Variants in DMD observed in about 807,000 individuals in gnomAD.
The protein encoded by DMD is dystrophin.
A neutral mutation model predicts 330.1 loss-of-function variants in DMD; 63 were observed. The observed-to-expected ratio is 0.19, with a 90% CI of 0.16 to 0.24. DMD has a LOEUF of 0.24. Among genes scored for constraint, DMD ranks in the 10% least tolerant of loss-of-function variants. The pLI is 1.00. For missense variants in DMD, 3,344 were observed against 2,684.1 expected, an observed-to-expected ratio of 1.25 and a Z score of -5.43; for synonymous variants, 1,223 against 959.8, an observed-to-expected ratio of 1.27 and a Z score of -5.07.
rs770202940 is a variant in DMD, at chrX:32,644,304, T to C, written c.1159A>G (p.Met387Val). Reference protein sequence around the residue: ...DQFHTHEGYMMDLTAHQGRVG... With the variant: ...DQFHTHEGYMVDLTAHQGRVG... The stretch of plus-strand genomic sequence containing the variant: ...CGGCCCTGATGGGCTGTCAAATCCA[T>C]CATGTACCCCTGACAAAGAAGGAAG... The change falls in exon 11 of 79, where the codon ATG (methionine) becomes GTG (valine). Residue 387 changes from methionine (M) to valine (V), a missense_variant. By Grantham distance (21) the Met-to-Val change is conservative (BLOSUM62 1). Coordinates refer to ENST00000357033, the MANE Select transcript of DMD (RefSeq NM_004006.3). The C allele has an allele frequency of 6.0e-5, 73 of 1,208,621 alleles. No homozygotes were observed. The highest frequency in any genetic ancestry group is 7.9e-5 in the Non-Finnish European group (71 of 894,501).
chrX:32,363,262 C>T (rs1457361956), intron 36 of DMD, among the ~76,000 whole-genome samples: 1 of 111,677 alleles, frequency 9.0e-6, no homozygotes, highest in Non-Finnish European at 1.9e-5. Flanking sequence ...GGGATGTTTT[C>T]CCAACTATGT....
intron 63 of DMD, among the ~76,000 whole-genome samples, chrX:31,229,263 A>C (rs1569486796): frequency 8.9e-6 from 1 of 112,183 alleles, no homozygotes; most frequent in Non-Finnish European, 1.9e-5. Context: ...ATATTACAGA[A>C]AAAAAACATT....
intron 63 of DMD, among the ~76,000 whole-genome samples, chrX:31,259,589 T>C (rs2050308256): frequency 8.9e-6 from 1 of 112,139 alleles, no homozygotes; most frequent in Admixed American, 9.5e-5. Flanking sequence ...AATGACATAA[T>C]ATTACTCGAA....
intron 52 of DMD, among the ~76,000 whole-genome samples, chrX:31,718,724 G>A (rs868841914): frequency 1.9e-4 from 21 of 111,550 alleles, no homozygotes; most frequent in South Asian, 3.8e-4. Flanking sequence ...CTCCAGAACC[G>A]TGAAAAACAA....
chrX:32,006,290 A>C (rs1236243651), intron 44 of DMD, among the ~76,000 whole-genome samples: 2 of 111,879 alleles, frequency 1.8e-5, no homozygotes, highest in Admixed American at 9.5e-5. Flanking sequence ...ACCAAGGTGA[A>C]CTTTGGTCTA....
chrX:32,121,737 A>ATGTGTG (rs770805204), intron 44 of DMD, among the ~76,000 whole-genome samples: 1 of 96,414 alleles, frequency 1.0e-5, no homozygotes, highest in African/African-American at 3.8e-5. Flanking sequence ...GTCAAAAAAA[A>ATGTGTG]TGTGTGTGTG....
At chrX:32,337,772 C>A (rs1390063725) in intron 41 of DMD, among the ~76,000 whole-genome samples, 2 of 110,751 alleles carry the variant, frequency 1.8e-5, no homozygotes, top group African/African-American at 6.6e-5. Context: ...TATTTGATTT[C>A]TCTCTCTTTA....
chrX:31,139,650 A>C (rs2035791712), intron 76 of DMD, among the ~76,000 whole-genome samples: 3 of 104,380 alleles, frequency 2.9e-5, no homozygotes, highest in Non-Finnish European at 5.9e-5. Flanking sequence ...GTGGGAGCTA[A>C]GCTATGCGGA....
In DMD at chrX:31,121,550, T is replaced by TAAAC. The variant is rs950779455; in HGVS notation, c.*365_*368dup. 7 of 239,680 alleles carry TAAAC rather than the reference T, an allele frequency of 2.9e-5. No individual in the cohort carries two copies. Among genetic ancestry groups the TAAAC allele is most frequent in the South Asian group, 2.6e-4 (3 of 11,632 alleles). 19.8% of individuals were successfully genotyped at this position (239,680 alleles called of 1,213,427 possible). ...TTTCTTTATAACTGTTATAAATTTT[T>TAAAC]AAACAACCCAAAATGCGTTCCATAT... On this transcript the variant is annotated 3_prime_UTR_variant, in exon 79 of 79. Transcript: ENST00000357033.
At chrX:32,744,080 C>A (rs1003841299) in intron 7 of DMD, among the ~76,000 whole-genome samples, 1 of 110,981 alleles carries the variant, frequency 9.0e-6, no homozygotes, top group East Asian at 2.9e-4. Flanking sequence ...CATCTTTAAA[C>A]CCTCTCTCAC....
At chrX:32,932,938 A>G (rs2089714527) in intron 2 of DMD, among the ~76,000 whole-genome samples, 1 of 111,300 alleles carries the variant, frequency 9.0e-6, no homozygotes, top group African/African-American at 3.3e-5. Flanking sequence ...ATAACTATAT[A>G]TTTTTTTTCA....
intron 1 of DMD, among the ~76,000 whole-genome samples, chrX:33,032,732 G>A (rs1193197192): frequency 8.9e-6 from 1 of 112,333 alleles, no homozygotes; most frequent in Non-Finnish European, 1.9e-5. Context: ...AATTTAAGTG[G>A]AAAATAAGTT....
chrX:31,439,506 T>TA (rs11455625), intron 60 of DMD, among the ~76,000 whole-genome samples: 47,024 of 109,891 alleles, frequency 0.43, 9,073 homozygotes, highest in Non-Finnish European at 0.6. Flanking sequence ...AGGAAACCTT[T>TA]AAAAAACATA....
intron 43 of DMD, among the ~76,000 whole-genome samples, chrX:32,242,609 G>C (rs1449877206): frequency 1.8e-5 from 2 of 110,964 alleles, no homozygotes; most frequent in Admixed American, 1.9e-4. Context: ...TATTTTATTT[G>C]TTAATACTTT....
intron 2 of DMD, among the ~76,000 whole-genome samples, chrX:32,980,238 C>T (rs1468113663): frequency 1.9e-5 from 2 of 107,095 alleles, no homozygotes; most frequent in East Asian, 3.0e-4. Context: ...TAGTAGCAGG[C>T]GCCTGTAATC....
intron 56 of DMD, among the ~76,000 whole-genome samples, chrX:31,506,251 C>G (rs753207656): frequency 2.2e-4 from 25 of 111,278 alleles, no homozygotes; most frequent in African/African-American, 7.2e-4. Context: ...AAATTTTGGA[C>G]AAGTTAGAAG....
rs57414527 is a variant in DMD at position 31,133,820 on chromosome X, T to C, written c.11014+282A>G. 0.017 allele frequency among the ~76,000 whole-genome samples: 1,894 copies of C among 111,999 alleles called. 36 individuals carry two copies. Among genetic ancestry groups the C allele is most frequent in the African/African-American group, 0.055 (1,679 of 30,772 alleles). On this transcript the variant is annotated intron_variant, in intron 77 of 78. Coordinates refer to ENST00000357033, the MANE Select transcript of DMD (RefSeq NM_004006.3). ...TTGCTCTTCAGTAAAGGGCACCTCA[T>C]AATTAACTCTTCAGACTAATGTGTG...
At chrX:32,729,147 G>A (rs766105384) in intron 7 of DMD, among the ~76,000 whole-genome samples, 38 of 111,973 alleles carry the variant, frequency 3.4e-4, no homozygotes, top group Middle Eastern at 4.6e-3. Context: ...AATTTTTTGA[G>A]TAACTACACG....
chrX:31,776,610 A>AGGAGGGAG (rs1159120891), intron 50 of DMD, among the ~76,000 whole-genome samples: 1 of 60,882 alleles, frequency 1.6e-5, no homozygotes, highest in Non-Finnish European at 2.9e-5. Context: ...GGAGGGAGGA[A>AGGAGGGAG]GGAGGGAGGG....
Sources: allele counts gnomAD v4.1 joint callset (sites outside exome capture counted in the v4.1 genomes callset), GRCh38; gene constraint gnomAD v4.1.1; transcripts MANE v1.5; gene names NCBI Gene and HGNC (gene_info 2026-07-23, HGNC 2026-07-21).